The following C7 variants were observed in gnomAD, a reference collection of about 807,000 sequenced individuals.
The protein encoded by C7 is complement component C7.
Under a neutral mutation model 104.8 loss-of-function variants are expected in C7, and 83 were observed. The observed-to-expected ratio is 0.79, with a 90% CI of 0.66 to 0.95. C7 has a LOEUF of 0.95. C7 is among the 40% of genes least tolerant of loss of function. C7 has a pLI of 0.00. For missense variants in C7, 1,070 were observed against 1,011.2 expected (o/e 1.06, Z -0.79); for synonymous variants, 415 against 360.6 (o/e 1.15, Z -1.71).
chr5:40,955,131 A>G (rs1740260095), intron 9 of C7, among the ~76,000 whole-genome samples: 1 of 152,058 alleles, frequency 6.6e-6, no homozygotes. Flanking sequence ...ATTAGGGTTC[A>G]CTCTTGATAT....
Position 40,947,698 on chromosome 5 carries a change from G to A in C7, c.835G>A (p.Glu279Lys). The change falls in exon 8 of 18, where the codon GAG becomes AAG. Residue 279 changes from glutamate (E) to lysine (K), a missense_variant. Transcript: ENST00000313164. ...FLQLAEPFWKELSHLPSLYDY... is the reference protein window; with the variant it reads ...FLQLAEPFWKKLSHLPSLYDY... ...ACAACTTGCTGAGCCATTCTGGAAG[G>A]AGCTTTCCCACCTCCCCTCTCTGTA... 2 of 1,613,722 alleles carry A rather than the reference G, an allele frequency of 1.2e-6. No individual in the cohort carries two copies. The highest frequency in any genetic ancestry group is 1.7e-6 in the Non-Finnish European group (2 of 1,179,784).
chr5:40,960,764 T>C (rs892650422), intron 12 of C7, among the ~76,000 whole-genome samples: 1 of 152,162 alleles, frequency 6.6e-6, no homozygotes, highest in African/African-American at 2.4e-5. Context: ...GAGGCCACAC[T>C]CCCAGGCTAT....
chr5:40,958,822 T>A (rs900611876), intron 11 of C7, among the ~76,000 whole-genome samples: 1 of 152,244 alleles, frequency 6.6e-6, no homozygotes, highest in African/African-American at 2.4e-5. Flanking sequence ...CATGTCTGTC[T>A]CTTCTAGAAC....
rs1740952932 is a variant in C7 at position 40,981,807 on chromosome 5, G to C, written c.*234G>C. The C allele has an allele frequency of 1.0e-5, 4 of 388,552 alleles. No homozygotes were observed. The South Asian group carries it at 2.3e-4, about 23-fold the overall frequency. The allele number at this position is 388,552 out of a possible 1,614,324, so 24.1% of individuals were successfully genotyped here. A position where few individuals can be genotyped will look rare whatever the true frequency, so the allele number is the denominator to read the frequency against. ...AGGATATGAGCCTTTGCACAGGCTG[G>C]CTGCGTGTTCTTGAAATAGGTGTTA... On this transcript the variant is annotated 3_prime_UTR_variant, in exon 18 of 18. Coordinates refer to ENST00000313164, the MANE Select transcript of C7 (RefSeq NM_000587.4).
At chr5:40,969,546 G>C (rs1365389247) in intron 14 of C7, among the ~76,000 whole-genome samples, 1 of 152,096 alleles carries the variant, frequency 6.6e-6, no homozygotes, top group Non-Finnish European at 1.5e-5. Flanking sequence ...TTTGTTTATG[G>C]CAACCAGTGA....
intron 13 of C7, among the ~76,000 whole-genome samples, chr5:40,962,966 G>T (rs188307705): frequency 2.0e-5 from 3 of 152,150 alleles, no homozygotes; most frequent in Non-Finnish European, 4.4e-5. Context: ...GTGTGTTCAC[G>T]CAAGTGTGTG....
rs1377940561 is a variant in C7, at chr5:40,909,575, T to G, written c.-36T>G. On this transcript the variant is annotated 5_prime_UTR_variant, in exon 1 of 18. Coordinates refer to ENST00000313164, the MANE Select transcript of C7 (RefSeq NM_000587.4). ...TTACCCGGCCCTTACAGAGGAAATC[T>G]TCCTCCTCTCTTCTGCCCTGAATGT... 1.7e-5 allele frequency: 26 copies of G among 1,554,866 alleles called. No individual in the cohort carries two copies. The highest frequency in any genetic ancestry group is 2.1e-5 in the Non-Finnish European group (24 of 1,137,618).
intron 1 of C7, among the ~76,000 whole-genome samples, chr5:40,910,234 A>G (rs1739178845): frequency 6.6e-6 from 1 of 152,226 alleles, no homozygotes; most frequent in African/African-American, 2.4e-5. Flanking sequence ...AAAGCTATTC[A>G]ACAAAAGATA....
chr5:40,959,700 G>A, intron 12 of C7, 80 bp downstream of exon 12: 1 of 1,131,900 alleles, frequency 8.8e-7, no homozygotes. Flanking sequence ...GATTGCTGCT[G>A]TCGAGAGATT....
chr5:40,959,305 T>G, intron 11 of C7, 144 bp from the exon 12 acceptor site: 1 of 704,680 alleles, frequency 1.4e-6, no homozygotes. Flanking sequence ...ATTCTGAACA[T>G]TGTAGAAAAC....
At chr5:40,978,656 T>C (rs1262310351) in intron 16 of C7, among the ~76,000 whole-genome samples, 4 of 152,038 alleles carry the variant, frequency 2.6e-5, no homozygotes, top group Admixed American at 1.3e-4. Context: ...AAAAGGAAAA[T>C]ATTAGAACTA....
intron 14 of C7, among the ~76,000 whole-genome samples, chr5:40,968,600 ATTTTTTTTTTTTTTTT>A (rs70988826): frequency 4.3e-4 from 11 of 25,474 alleles, no homozygotes; most frequent in Admixed American, 1.8e-3. Flanking sequence ...ATATATATAT[ATTTTTTTTTTTTTTTT>A]TTTTTTTTTT....
At chr5:40,974,458 C>T (rs918829678) in intron 15 of C7, among the ~76,000 whole-genome samples, 1 of 150,758 alleles carries the variant, frequency 6.6e-6, no homozygotes, top group African/African-American at 2.5e-5. Flanking sequence ...TTCTGTCACC[C>T]AGGCTGGAGT....
At chr5:40,977,058 A>C (rs1740834329) in intron 16 of C7, among the ~76,000 whole-genome samples, 1 of 152,224 alleles carries the variant, frequency 6.6e-6, no homozygotes, top group African/African-American at 2.4e-5. Context: ...CTAGTGGAGA[A>C]GGCTGCAGGA....
chr5:40,979,977 T>G, intron 17 of C7, 68 bp downstream of exon 17: 1 of 1,397,030 alleles, frequency 7.2e-7, no homozygotes, highest in Non-Finnish European at 9.6e-7. Flanking sequence ...TTAAAAAATG[T>G]GGTTTCTAGT....
chr5:40,914,547 G>A (rs1739278264), intron 1 of C7, among the ~76,000 whole-genome samples: 1 of 152,142 alleles, frequency 6.6e-6, no homozygotes, highest in East Asian at 1.9e-4. Context: ...TTAGACCAAT[G>A]TCCAGAAGAG....
At chr5:40,935,048 C>A (rs989153898) in intron 4 of C7, among the ~76,000 whole-genome samples, 7 of 152,136 alleles carry the variant, frequency 4.6e-5, no homozygotes, top group African/African-American at 1.7e-4. Context: ...ATGCCTCTTC[C>A]CTCACAAATA....
At position 40,964,810 on chromosome 5, in the gene C7, G is replaced by A. The variant is rs1349938004; in HGVS notation, c.1819G>A (p.Gly607Arg). 1 of 1,613,722 alleles carries A rather than the reference G, an allele frequency of 6.2e-7. No homozygotes were observed. Among genetic ancestry groups the A allele is most frequent in the African/African-American group, 1.3e-5 (1 of 75,048 alleles). ...YTCNEGYSLIGNPVARCGEDL... is the reference protein window; with the variant it reads ...YTCNEGYSLIRNPVARCGEDL... ...TTGCAATGAAGGATACTCTCTTATT[G>A]GAAACCCAGTGGCCAGATGTGGAGA... Residue 607 changes from glycine to arginine, a missense_variant, in exon 14 of 18, where the codon GGA becomes AGA. Physicochemically the swap from Gly to Arg is moderately radical, Grantham distance 125. Transcript: ENST00000313164.
At chr5:40,934,189 C>A (rs1470745550) in intron 3 of C7, 136 bp from the exon 4 acceptor site, 47 of 871,504 alleles carry the variant, frequency 5.4e-5, no homozygotes, top group Non-Finnish European at 7.5e-5. Context: ...CTGTAGAACA[C>A]CAGAACAATT....
Sources: gnomAD v4.1 joint callset for allele counts (sites outside exome capture counted in the v4.1 genomes callset) on GRCh38, gnomAD v4.1.1 for gene constraint, MANE v1.5 for transcripts, NCBI Gene and HGNC (gene_info 2026-07-23, HGNC 2026-07-21) for gene names.